Variants in OR4C11 observed in about 807,000 individuals in gnomAD.
The protein encoded by OR4C11 is olfactory receptor family 4 subfamily C member 11.
OR4C11 carries 15 observed loss-of-function variants against 14.7 expected under a neutral mutation model. The observed-to-expected ratio is 1.02, with a 90% CI of 0.68 to 1.58. The LOEUF is 1.58. Among genes scored for constraint, OR4C11 ranks in the 40% most tolerant of loss-of-function variants. OR4C11 has a pLI of 0.00. For synonymous variants in OR4C11, 146 were observed against 135.0 expected (o/e 1.08, Z -0.57); for missense variants, 473 against 383.0 (o/e 1.24, Z -1.96).
Position 55,603,602 on chromosome 11 carries a change from G to C in OR4C11, c.772C>G (p.Arg258Gly). ...TCCATGGGGAAAGTGGTCGGGGGGC[G>C]TGTATATATGAATATACATGGGCCA... ...FFGPCIFIYTRPPTTFPMDKM... is the reference protein window; with the variant it reads ...FFGPCIFIYTGPPTTFPMDKM... The change falls in exon 4 of 4, where the codon CGC becomes GGC. Residue 258 changes from arginine to glycine, a missense_variant. Transcript: ENST00000641580. 3 of 1,481,028 alleles carry C rather than the reference G, an allele frequency of 2.0e-6. No individual in the cohort carries two copies. The highest frequency in any genetic ancestry group is 2.8e-6 in the Non-Finnish European group (3 of 1,087,256). The allele number at this position is 1,481,028 out of a possible 1,614,324, so 91.7% of individuals were successfully genotyped here. A position where few individuals can be genotyped will look rare whatever the true frequency, so the allele number is the denominator to read the frequency against.
chr11:55,607,030 A>G (rs13328851), intron 1 of OR4C11, among the ~76,000 whole-genome samples: 15,232 of 138,126 alleles, frequency 0.11, 3,376 homozygotes, highest in Middle Eastern at 0.22. Context: ...AGAAATTCTT[A>G]TAGATCCAAA....
In OR4C11 at chr11:55,603,439, A is replaced by T; in HGVS notation, c.*2T>A. On this transcript the variant is annotated 3_prime_UTR_variant, in exon 4 of 4. Transcript: ENST00000641580. ...AAAAAGTAATCAGGTCAGGCCCTCA[A>T]TTTATCCTTTGTTTTCTGAAATAAT... 7.3e-7 allele frequency: 1 copy of T among 1,365,412 alleles called. No homozygotes were observed. Among genetic ancestry groups the T allele is most frequent in the Non-Finnish European group, 1.0e-6 (1 of 1,001,478 alleles). 84.6% of individuals were successfully genotyped at this position (1,365,412 alleles called of 1,614,324 possible). A position where few individuals can be genotyped will look rare whatever the true frequency, so the allele number is the denominator to read the frequency against.
At position 55,606,008 on chromosome 11, in the gene OR4C11, T is replaced by C. The variant is rs1168481725; in HGVS notation, c.-207+514A>G. Among the ~76,000 whole-genome samples, 7 of 138,256 alleles carry C rather than the reference T, an allele frequency of 5.1e-5. 2 individuals carry two copies. Among genetic ancestry groups the C allele is most frequent in the Non-Finnish European group, 1.1e-4 (7 of 62,062 alleles). The allele number at this position is 138,256 out of a possible 152,430, so 90.7% of individuals were successfully genotyped here. ...TATGACAACCGGATATAGATATTGA[T>C]CCAGTTATTCCGTTTCCTATAGACG... On this transcript the variant is annotated intron_variant, in intron 2 of 3. Transcript: ENST00000641580.
Position 55,603,479 on chromosome 11 carries a change from A to T in OR4C11, c.895T>A (p.Leu299Ile). 6.8e-7 allele frequency: 1 copy of T among 1,465,734 alleles called. No homozygotes were observed. Among genetic ancestry groups the T allele is most frequent in the Non-Finnish European group, 9.2e-7 (1 of 1,082,950 alleles). 90.8% of individuals were successfully genotyped at this position (1,465,734 alleles called of 1,614,324 possible). ...NAEVKNAMRK[L>I]WHGKIISENK... ...TCTGAAATAATTTTGCCATGCCATA[A>T]CTTTCTCATGGCATTTTTCACTTCT... The change falls in exon 4 of 4, where the codon TTA becomes ATA. Residue 299 changes from leucine to isoleucine, a missense_variant. Coordinates refer to ENST00000641580, the MANE Select transcript of OR4C11 (RefSeq NM_001004700.3).
chr11:55,607,233 A>T (rs1459645253), intron 1 of OR4C11, 54 bp downstream of exon 1: 1 of 138,464 alleles, frequency 7.2e-6, no homozygotes, highest in African/African-American at 2.5e-5. Context: ...GTTTGCCCAG[A>T]GTAGGCTGTT....
chr11:55,605,817 A>C (rs1278916052), intron 2 of OR4C11, among the ~76,000 whole-genome samples: 1 of 138,528 alleles, frequency 7.2e-6, no homozygotes, highest in East Asian at 2.4e-4. Flanking sequence ...TTCAAGTTAA[A>C]ATTCCAGTTA....
chr11:55,606,398 G>C (rs367688747), intron 2 of OR4C11, 124 bp downstream of exon 2: 2 of 138,316 alleles, frequency 1.4e-5, no homozygotes, highest in East Asian at 4.7e-4. Flanking sequence ...ACTCTGAGCG[G>C]GGAAATTGCA....
chr11:55,603,295 T>C lies in OR4C11; in HGVS notation c.*146A>G. 2.0e-6 allele frequency: 1 copy of C among 493,470 alleles called. No individual in the cohort carries two copies. Among genetic ancestry groups the C allele is most frequent in the Middle Eastern group, 5.8e-4 (1 of 1,722 alleles). The allele number at this position is 493,470 out of a possible 1,614,324, so 30.6% of individuals were successfully genotyped here. On this transcript the variant is annotated 3_prime_UTR_variant, in exon 4 of 4. Coordinates refer to ENST00000641580, the MANE Select transcript of OR4C11 (RefSeq NM_001004700.3). ...ACAATGTCTTGGTAGTCACAACTCC[T>C]GTTAACTAGAAAACATAGGAACCCA...
intron 3 of OR4C11, among the ~76,000 whole-genome samples, chr11:55,604,901 C>T (rs61896190): frequency 0.054 from 7,397 of 137,346 alleles, 1,603 homozygotes; most frequent in Non-Finnish European, 0.083. Context: ...ATATTTACTT[C>T]CTAAATATAC....
chr11:55,603,374 T>A lies in OR4C11; in HGVS notation c.*67A>T. On this transcript the variant is annotated 3_prime_UTR_variant, in exon 4 of 4. Transcript: ENST00000641580. The stretch of plus-strand genomic sequence containing the variant: ...CCACAGCATTCAGGTACTTTCCTAT[T>A]TGCTGTCTATACTTACTCTGTTAAA... 1 of 773,772 alleles carries A rather than the reference T, an allele frequency of 1.3e-6. No individual in the cohort carries two copies. Among genetic ancestry groups the A allele is most frequent in the Non-Finnish European group, 2.0e-6 (1 of 506,576 alleles). The allele number at this position is 773,772 out of a possible 1,614,324, so 47.9% of individuals were successfully genotyped here. A position where few individuals can be genotyped will look rare whatever the true frequency, so the allele number is the denominator to read the frequency against.
intron 1 of OR4C11, among the ~76,000 whole-genome samples, chr11:55,607,003 T>C (rs1265341880): frequency 7.2e-6 from 1 of 138,446 alleles, no homozygotes; most frequent in South Asian, 2.4e-4. Flanking sequence ...ATCTGTTGAA[T>C]GAATCAAAGA....
rs1362287881 is a variant in OR4C11 at position 55,606,675 on chromosome 11, G to A, written c.-360C>T. On this transcript the variant is annotated 5_prime_UTR_variant, in exon 2 of 4. Transcript: ENST00000641580. ...GATATAGCAGTAGTGTTGAAACTCA[G>A]GGCTCTGTAAATACAACATATGCAG... 2.2e-5 allele frequency: 3 copies of A among 137,898 alleles called. 1 individual carries two copies. Among genetic ancestry groups the A allele is most frequent in the Non-Finnish European group, 4.8e-5 (3 of 62,046 alleles). The allele number at this position is 137,898 out of a possible 1,614,324, so 8.5% of individuals were successfully genotyped here. A position where few individuals can be genotyped will look rare whatever the true frequency, so the allele number is the denominator to read the frequency against.
At position 55,603,620 on chromosome 11, in the gene OR4C11, A is replaced by C; in HGVS notation, c.754T>G (p.Cys252Gly). 6.7e-7 allele frequency: 1 copy of C among 1,487,880 alleles called. No homozygotes were observed. The highest frequency in any genetic ancestry group is 2.6e-5 in the East Asian group (1 of 38,736). The allele number at this position is 1,487,880 out of a possible 1,614,324, so 92.2% of individuals were successfully genotyped here. A position where few individuals can be genotyped will look rare whatever the true frequency, so the allele number is the denominator to read the frequency against. The change falls in exon 4 of 4, where the codon TGT (cysteine) becomes GGT (glycine). Residue 252 changes from cysteine (C) to glycine (G), a missense_variant. By Grantham distance (159) the Cys-to-Gly change is radical (BLOSUM62 -3). Transcript: ENST00000641580. ...GGGGGGCGTGTATATATGAATATACATGGGCCAAAGAATAAGATGACTACA... is the reference window on the plus strand; with the variant it reads ...GGGGGGCGTGTATATATGAATATACCTGGGCCAAAGAATAAGATGACTACA... ...IIVVILFFGP[C>G]IFIYTRPPTT... is the part of the protein sequence containing the mutation.
chr11:55,603,250 A>C lies in OR4C11; in HGVS notation c.*191T>G, dbSNP rs1210030870. The C allele has an allele frequency of 2.2e-6, 1 of 447,038 alleles. No individual in the cohort carries two copies. The highest frequency in any genetic ancestry group is 2.0e-5 in the African/African-American group (1 of 50,372). 27.7% of individuals were successfully genotyped at this position (447,038 alleles called of 1,614,324 possible). On this transcript the variant is annotated 3_prime_UTR_variant, in exon 4 of 4. Transcript: ENST00000641580. ...AATCACCTGAATTAATCTATATTCT[A>C]CCTAGTTCTGGCACAAAAGACAATG...
In OR4C11 at chr11:55,603,220, T is replaced by G. The variant is rs530128632; in HGVS notation, c.*221A>C. ...TAATCTGAAAAGAAAAGACTACTGG[T>G]AGGTAATCACCTGAATTAATCTATA... On this transcript the variant is annotated 3_prime_UTR_variant, in exon 4 of 4. Coordinates refer to ENST00000641580, the MANE Select transcript of OR4C11 (RefSeq NM_001004700.3). The G allele has an allele frequency of 8.7e-5, 32 of 369,656 alleles. 1 individual carries two copies. The highest frequency in any genetic ancestry group is 5.4e-4 in the African/African-American group (26 of 48,408). The allele number at this position is 369,656 out of a possible 1,614,324, so 22.9% of individuals were successfully genotyped here.
intron 3 of OR4C11, among the ~76,000 whole-genome samples, chr11:55,604,688 TA>T (rs1857938215): frequency 2.9e-5 from 4 of 138,152 alleles, no homozygotes; most frequent in Non-Finnish European, 6.4e-5. Context: ...AAAAATAACT[TA>T]AAAGCAAATG....
rs1311713905 is a variant in OR4C11, at chr11:55,604,883, A to G, written c.-45+243T>C. On this transcript the variant is annotated intron_variant, in intron 3 of 3. Transcript: ENST00000641580. ...CACATTATTTGAACCTGACAGTACC[A>G]TTATAATATATTTACTTCCTAAATA... 1.4e-5 allele frequency among the ~76,000 whole-genome samples: 2 copies of G among 138,084 alleles called. 1 individual carries two copies. Among genetic ancestry groups the G allele is most frequent in the Non-Finnish European group, 3.2e-5 (2 of 62,036 alleles). 90.6% of individuals were successfully genotyped at this position (138,084 alleles called of 152,430 possible).
rs983468921 is a variant in OR4C11 at position 55,605,858 on chromosome 11, A to G, written c.-206-571T>C. 1.9e-4 allele frequency among the ~76,000 whole-genome samples: 26 copies of G among 138,902 alleles called. 2 individuals are homozygous for G. Among genetic ancestry groups the G allele is most frequent in the African/African-American group, 6.0e-4 (24 of 40,094 alleles). The allele number at this position is 138,902 out of a possible 152,430, so 91.1% of individuals were successfully genotyped here. Reference sequence around the variant, plus strand: ...TTTTCACCTATCAGGTTAATAAAGTAATCCTTTTGATAAATGTCTTAACAA... The same window carrying G: ...TTTTCACCTATCAGGTTAATAAAGTGATCCTTTTGATAAATGTCTTAACAA... On this transcript the variant is annotated intron_variant, in intron 2 of 3. Transcript: ENST00000641580.
chr11:55,604,520 T>C (rs574263342), intron 3 of OR4C11, 103 bp from the exon 4 acceptor site: 4 of 400,638 alleles, frequency 1.0e-5, no homozygotes, highest in South Asian at 5.7e-5. Flanking sequence ...CAATTCTTTG[T>C]ATTTTTTTCT....
Sources: gnomAD v4.1 joint callset for allele counts (sites outside exome capture counted in the v4.1 genomes callset) on GRCh38, gnomAD v4.1.1 for gene constraint, MANE v1.5 for transcripts, NCBI Gene and HGNC (gene_info 2026-07-23, HGNC 2026-07-21) for gene names.